SPON1: variants seen among roughly 807,000 people sequenced by gnomAD.
SPON1 encodes spondin 1.
SPON1 carries 52 observed loss-of-function variants against 111.7 expected under a neutral mutation model. The ratio of observed to expected loss-of-function variants is 0.47; its 90% CI spans 0.37 to 0.59. The LOEUF (loss-of-function observed/expected upper bound fraction) is 0.59. SPON1 is among the 20% of genes least tolerant of loss of function. SPON1 has a pLI of 0.00. For synonymous variants in SPON1, 410 were observed against 395.8 expected (o/e 1.04, Z -0.43); for missense variants, 957 against 1,068.5 (o/e 0.90, Z 1.46).
intron 6 of SPON1, among the ~76,000 whole-genome samples, chr11:14,237,574 C>A (rs1029738311): frequency 6.6e-6 from 1 of 152,204 alleles, no homozygotes; most frequent in East Asian, 1.9e-4. Context: ...CAGTGGACAG[C>A]GTGATAGCTA....
chr11:14,246,678 C>T (rs116109517), intron 7 of SPON1, among the ~76,000 whole-genome samples: 1 of 152,030 alleles, frequency 6.6e-6, no homozygotes, highest in South Asian at 2.1e-4. Context: ...TAGGAGGGTC[C>T]CCCCAAAAAA....
chr11:14,083,485 A>T (rs1258353254), intron 5 of SPON1, among the ~76,000 whole-genome samples: 2 of 152,210 alleles, frequency 1.3e-5, no homozygotes, highest in African/African-American at 4.8e-5. Context: ...GGAATTTGAA[A>T]CTATATCAAT....
At chr11:14,205,554 T>A (rs1848508643) in intron 6 of SPON1, among the ~76,000 whole-genome samples, 1 of 152,186 alleles carries the variant, frequency 6.6e-6, no homozygotes, top group Non-Finnish European at 1.5e-5. Flanking sequence ...TCTGTTTAGG[T>A]CGGAGTTTTA....
At chr11:14,039,020 G>A (rs1848614200) in intron 2 of SPON1, among the ~76,000 whole-genome samples, 1 of 152,102 alleles carries the variant, frequency 6.6e-6, no homozygotes, top group Non-Finnish European at 1.5e-5. Context: ...TGCTAAAAAA[G>A]AAATGAGCTA....
Position 14,228,255 on chromosome 11 carries a change from A to G in SPON1, c.826-15077A>G, listed in dbSNP as rs1482250132. Among the ~76,000 whole-genome samples the G allele has an allele frequency of 6.6e-6, 1 of 152,248 alleles. No homozygotes were observed. Among genetic ancestry groups the G allele is most frequent in the African/African-American group, 2.4e-5 (1 of 41,472 alleles). ...TCCAACCACTGACAACACATTGTTC[A>G]GGCAGCAGCACACGTATCCTTTGGG... is the stretch of plus-strand genomic sequence containing the variant. On this transcript the variant is annotated intron_variant, in intron 6 of 15. Transcript: ENST00000576479. This position sits in a 1 kb window ranked among gnomAD's most constrained non-coding sequence, Gnocchi z 4.2.
intron 6 of SPON1, among the ~76,000 whole-genome samples, chr11:14,156,974 C>T (rs1554930462): frequency 6.6e-6 from 1 of 152,174 alleles, no homozygotes; most frequent in East Asian, 1.9e-4. Flanking sequence ...TTGAAGATTA[C>T]AATTCAACAT....
chr11:14,020,785 G>T (rs533506482), intron 2 of SPON1, among the ~76,000 whole-genome samples: 1 of 152,198 alleles, frequency 6.6e-6, no homozygotes, highest in African/African-American at 2.4e-5. Flanking sequence ...CACAGCCAGG[G>T]TTTAAATTCT....
intron 1 of SPON1, among the ~76,000 whole-genome samples, chr11:13,968,676 C>T (rs1380374568): frequency 2.0e-5 from 3 of 152,116 alleles, no homozygotes; most frequent in Admixed American, 6.5e-5. Flanking sequence ...TCCTCAGCAC[C>T]GTTACAGCCG....
At chr11:14,032,613 A>C (rs1159321387) in intron 2 of SPON1, among the ~76,000 whole-genome samples, 2 of 152,240 alleles carry the variant, frequency 1.3e-5, no homozygotes, top group African/African-American at 4.8e-5. Context: ...CTCATTTTGC[A>C]GATGAGAAAA....
intron 3 of SPON1, among the ~76,000 whole-genome samples, chr11:14,054,845 C>T (rs562432337): frequency 8.5e-5 from 13 of 152,270 alleles, no homozygotes; most frequent in Middle Eastern, 3.4e-3. Context: ...CATGCTTCTG[C>T]GGCCAGGCAG....
intron 1 of SPON1, among the ~76,000 whole-genome samples, chr11:13,972,938 C>T (rs1346131641): frequency 2.0e-5 from 3 of 151,318 alleles, no homozygotes; most frequent in Non-Finnish European, 4.4e-5. Context: ...GGGGTCATTC[C>T]ATCTCTCTCT....
intron 2 of SPON1, among the ~76,000 whole-genome samples, chr11:14,003,235 T>C (rs923116764): frequency 3.3e-5 from 5 of 152,148 alleles, no homozygotes; most frequent in Non-Finnish European, 7.3e-5. Context: ...CAACACACTA[T>C]CCTGAAGTGG....
intron 2 of SPON1, among the ~76,000 whole-genome samples, chr11:14,006,428 G>A (rs1848361103): frequency 6.6e-6 from 1 of 152,154 alleles, no homozygotes; most frequent in South Asian, 2.1e-4. Context: ...ACAGAGGCAG[G>A]AAGGCTGGGT....
intron 1 of SPON1, among the ~76,000 whole-genome samples, chr11:13,969,400 G>T (rs1848045447): frequency 6.6e-6 from 1 of 152,022 alleles, no homozygotes; most frequent in South Asian, 2.1e-4. Context: ...AAGGGAAAAA[G>T]AGCAGAGGCA....
At chr11:14,253,286 C>T (rs1367833176) in intron 7 of SPON1, among the ~76,000 whole-genome samples, 2 of 152,238 alleles carry the variant, frequency 1.3e-5, no homozygotes, top group African/African-American at 4.8e-5. Context: ...TCCTACAGTA[C>T]TTCTCTCAGT....
chr11:14,261,825 C>T (rs1554941927), intron 14 of SPON1, among the ~76,000 whole-genome samples: 1 of 152,034 alleles, frequency 6.6e-6, no homozygotes, highest in East Asian at 1.9e-4. Context: ...GGGAGCATCT[C>T]ATTTAATCCT....
intron 2 of SPON1, among the ~76,000 whole-genome samples, chr11:14,030,138 G>T (rs905966241): frequency 6.6e-6 from 1 of 152,224 alleles, no homozygotes; most frequent in Admixed American, 6.5e-5. Flanking sequence ...AATAGAGTGA[G>T]CAGTGCTGAG....
intron 5 of SPON1, among the ~76,000 whole-genome samples, chr11:14,103,620 T>G (rs1849162577): frequency 6.6e-6 from 1 of 152,216 alleles, no homozygotes; most frequent in Non-Finnish European, 1.5e-5. Flanking sequence ...TTTCAGTGTC[T>G]CTGTTAGTTC....
intron 6 of SPON1, among the ~76,000 whole-genome samples, chr11:14,151,326 A>T (rs1244823523): frequency 3.9e-5 from 6 of 152,196 alleles, no homozygotes; most frequent in African/African-American, 1.4e-4. Context: ...AAGGTGCCTA[A>T]AGTGGTAGGG....
Sources: gnomAD v4.1 joint callset for allele counts (sites outside exome capture counted in the v4.1 genomes callset) on GRCh38, gnomAD v4.1.1 for gene constraint, Gnocchi (gnomAD v3.1) non-coding constraint, MANE v1.5 for transcripts, NCBI Gene and HGNC (gene_info 2026-07-23, HGNC 2026-07-21) for gene names.